SRD5A1: variants seen among roughly 807,000 people sequenced by gnomAD.
The protein encoded by SRD5A1 is steroid 5 alpha-reductase 1.
SRD5A1 carries 22 observed loss-of-function variants against 28.2 expected under a neutral mutation model. The ratio of observed to expected loss-of-function variants is 0.78; its 90% CI spans 0.56 to 1.12. The LOEUF is 1.12. Ranked by LOEUF, SRD5A1 falls within the 50% of genes most tolerant of loss-of-function variation. The pLI is 0.00. For synonymous variants in SRD5A1, 151 were observed against 135.0 expected (o/e 1.12, Z -0.82); for missense variants, 300 against 346.7 (o/e 0.87, Z 1.07).
At position 6,633,543 on chromosome 5, in the gene SRD5A1, T is replaced by A; in HGVS notation, c.-34T>A. ...GCCCTATATGTTGCCCGCCGCGGCC[T>A]CTGGGGCATGGAGCACGCTGCCCAG... On this transcript the variant is annotated 5_prime_UTR_variant, in exon 1 of 5. Coordinates refer to ENST00000274192, the MANE Select transcript of SRD5A1 (RefSeq NM_001047.4). The A allele has an allele frequency of 6.9e-7, 1 of 1,457,318 alleles. No homozygotes were observed. Among genetic ancestry groups the A allele is most frequent in the South Asian group, 1.4e-5 (1 of 73,200 alleles). 90.3% of individuals were successfully genotyped at this position (1,457,318 alleles called of 1,614,324 possible).
Position 6,671,253 on chromosome 5 carries a change from A to T in SRD5A1, c.*2985A>T, listed in dbSNP as rs1739351292. 1 of 152,158 alleles carries T rather than the reference A, an allele frequency of 6.6e-6. No homozygotes were observed. Among genetic ancestry groups the T allele is most frequent in the Non-Finnish European group, 1.5e-5 (1 of 68,028 alleles). 9.4% of individuals were successfully genotyped at this position (152,158 alleles called of 1,614,324 possible). On this transcript the variant is annotated 3_prime_UTR_variant, in exon 5 of 5. Transcript: ENST00000274192. ...AGTTTTTATTTGCATTTCCCTGATC[A>T]TTAGTGATGTTGAGCATTTTTTCAT...
At chr5:6,652,806 C>G (rs1738716551) in intron 2 of SRD5A1, among the ~76,000 whole-genome samples, 1 of 139,026 alleles carries the variant, frequency 7.2e-6, no homozygotes, top group Non-Finnish European at 1.5e-5. Flanking sequence ...GCCAGGAGAT[C>G]AAGGCTGCAG....
At chr5:6,636,695 T>C (rs560066089) in intron 1 of SRD5A1, among the ~76,000 whole-genome samples, 1 of 151,850 alleles carries the variant, frequency 6.6e-6, no homozygotes, top group African/African-American at 2.4e-5. Flanking sequence ...GGAGGAAAGG[T>C]GAAGGAAGGG....
rs969886660 is a variant in SRD5A1 at position 6,646,509 on chromosome 5, G to A, written c.294-5333G>A. Among the ~76,000 whole-genome samples the A allele has an allele frequency of 8.5e-5, 13 of 152,164 alleles. No individual in the cohort carries two copies. In the South Asian group the frequency reaches 1.7e-3, roughly 19 times the overall value. On this transcript the variant is annotated intron_variant, in intron 1 of 4. Transcript: ENST00000274192. Reference sequence around the variant, plus strand: ...CTTCCTGGTTTAATCTTGGGAGGGCGTATGTGTCCAGGAATTTATTTATTT... The same window carrying A: ...CTTCCTGGTTTAATCTTGGGAGGGCATATGTGTCCAGGAATTTATTTATTT...
chr5:6,649,427 T>G (rs1738601655), intron 1 of SRD5A1, among the ~76,000 whole-genome samples: 2 of 152,186 alleles, frequency 1.3e-5, no homozygotes, highest in African/African-American at 2.4e-5. Flanking sequence ...ACCGTCTACT[T>G]AAGCCTCAGC....
At chr5:6,651,405 C>A (rs1246512471) in intron 1 of SRD5A1, among the ~76,000 whole-genome samples, 1 of 152,146 alleles carries the variant, frequency 6.6e-6, no homozygotes, top group Non-Finnish European at 1.5e-5. Context: ...CGCCTATAAT[C>A]CCAACATTTT....
rs755370927 is a variant in SRD5A1 at position 6,670,306 on chromosome 5, G to C, written c.*2038G>C. The C allele has an allele frequency of 1.3e-5, 2 of 152,208 alleles. No homozygotes were observed. Among genetic ancestry groups the C allele is most frequent in the Non-Finnish European group, 2.9e-5 (2 of 68,048 alleles). 9.4% of individuals were successfully genotyped at this position (152,208 alleles called of 1,614,324 possible). On this transcript the variant is annotated 3_prime_UTR_variant, in exon 5 of 5. Transcript: ENST00000274192. Reference sequence around the variant, plus strand: ...TGCCTCAAGCTGCAGGGAAGCCAGGGGGTGGCATGGCCATGGCTTCTCCCT... The same window carrying C: ...TGCCTCAAGCTGCAGGGAAGCCAGGCGGTGGCATGGCCATGGCTTCTCCCT...
chr5:6,657,534 C>T (rs891172062), intron 3 of SRD5A1, among the ~76,000 whole-genome samples: 4 of 152,232 alleles, frequency 2.6e-5, no homozygotes, highest in African/African-American at 9.6e-5. Context: ...AAGTGTTCAT[C>T]CCCTGAAGGA....
intron 1 of SRD5A1, among the ~76,000 whole-genome samples, chr5:6,650,801 A>T (rs1280137738): frequency 2.6e-4 from 12 of 46,900 alleles, no homozygotes; most frequent in South Asian, 1.2e-3. Context: ...CCTCCCCCCC[A>T]CCCCACAACA....
chr5:6,638,833 T>C (rs566202), intron 1 of SRD5A1, among the ~76,000 whole-genome samples: 89,524 of 152,072 alleles, frequency 0.59, 26,888 homozygotes, highest in African/African-American at 0.7. Context: ...AAAGGCTAGG[T>C]GAAAGGAACA....
intron 3 of SRD5A1, among the ~76,000 whole-genome samples, chr5:6,657,285 A>G (rs8192212): frequency 0.011 from 1,681 of 152,374 alleles, 34 homozygotes; most frequent in African/African-American, 0.038. Flanking sequence ...AAGAGAAAAC[A>G]TGACAGAGTC....
chr5:6,640,285 T>C (rs536510040), intron 1 of SRD5A1, among the ~76,000 whole-genome samples: 14 of 152,330 alleles, frequency 9.2e-5, no homozygotes, highest in African/African-American at 3.4e-4. Context: ...GATTAGGAAT[T>C]ATTAGAAACA....
intron 3 of SRD5A1, among the ~76,000 whole-genome samples, chr5:6,660,354 C>T (rs1467912960): frequency 4.6e-5 from 7 of 152,218 alleles, no homozygotes; most frequent in African/African-American, 7.2e-5. Flanking sequence ...ACTGAGCAGG[C>T]GGCATGCAGG....
At chr5:6,648,312 T>A (rs746095892) in intron 1 of SRD5A1, among the ~76,000 whole-genome samples, 10 of 152,214 alleles carry the variant, frequency 6.6e-5, no homozygotes, top group Non-Finnish European at 1.3e-4. Context: ...TTCCTGAATT[T>A]GAATGTTGGC....
rs1168731957 is a variant in SRD5A1, at chr5:6,669,432, C to T, written c.*1164C>T. On this transcript the variant is annotated 3_prime_UTR_variant, in exon 5 of 5. Transcript: ENST00000274192. ...GACTTGAATTCTACTTTGATAAAAACATTGCCATACTGCTTTTTATCTTGA... is the reference window on the plus strand; with the variant it reads ...GACTTGAATTCTACTTTGATAAAAATATTGCCATACTGCTTTTTATCTTGA... The T allele has an allele frequency of 2.0e-5, 3 of 152,340 alleles. No individual in the cohort carries two copies. The East Asian group carries it at 5.8e-4, about 29-fold the overall frequency. 9.4% of individuals were successfully genotyped at this position (152,340 alleles called of 1,614,324 possible).
intron 2 of SRD5A1, among the ~76,000 whole-genome samples, chr5:6,653,191 T>C (rs1419407186): frequency 2.0e-5 from 3 of 152,206 alleles, no homozygotes; most frequent in Non-Finnish European, 4.4e-5. Flanking sequence ...GCCATGTTTT[T>C]TGTTGGTGAA....
intron 3 of SRD5A1, among the ~76,000 whole-genome samples, chr5:6,656,560 G>A (rs553316138): frequency 6.6e-6 from 1 of 152,208 alleles, no homozygotes; most frequent in East Asian, 1.9e-4. Flanking sequence ...CTTCTTAAAC[G>A]CATCAGTATA....
intron 1 of SRD5A1, among the ~76,000 whole-genome samples, chr5:6,651,259 G>C (rs965867716): frequency 3.2e-4 from 49 of 152,298 alleles, no homozygotes; most frequent in African/African-American, 1.1e-3. Context: ...GAAGCCCCTA[G>C]TTTTCTCAAA....
intron 3 of SRD5A1, among the ~76,000 whole-genome samples, chr5:6,660,589 C>T (rs909231041): frequency 6.6e-6 from 1 of 152,242 alleles, no homozygotes; most frequent in Non-Finnish European, 1.5e-5. Context: ...GAAGGAACAG[C>T]GCTGTGAATG....
Sources: allele counts gnomAD v4.1 joint callset (sites outside exome capture counted in the v4.1 genomes callset), GRCh38; gene constraint gnomAD v4.1.1; transcripts MANE v1.5; gene names NCBI Gene and HGNC (gene_info 2026-07-23, HGNC 2026-07-21).